FMN2: variants seen among roughly 807,000 people sequenced by gnomAD.
FMN2 encodes the protein formin 2.
A neutral mutation model predicts 142.3 loss-of-function variants in FMN2; 51 were observed. That is an observed-to-expected ratio of 0.36 (90% CI 0.29 to 0.45). The LOEUF (loss-of-function observed/expected upper bound fraction) is 0.45, where lower values mean the gene tolerates loss of function less well. FMN2 is among the 20% of genes least tolerant of loss of function. The pLI, the probability that FMN2 is intolerant of heterozygous loss-of-function variation, is 1.00. For missense variants in FMN2, 1,936 were observed against 2,122.8 expected (o/e 0.91, Z 1.73); for synonymous variants, 882 against 869.8 (o/e 1.01, Z -0.25).
chr1:240,412,933 T>A (rs888233175), intron 15 of FMN2, among the ~76,000 whole-genome samples: 2 of 151,290 alleles, frequency 1.3e-5, no homozygotes, highest in Admixed American at 1.3e-4. Flanking sequence ...CCATCCTGGC[T>A]AACACGGTGA....
intron 13 of FMN2, among the ~76,000 whole-genome samples, chr1:240,354,893 C>T (rs952909110): frequency 6.6e-6 from 1 of 150,942 alleles, no homozygotes; most frequent in Non-Finnish European, 1.5e-5. Context: ...TGTGTTCTAT[C>T]CAAAGTTTTG....
At chr1:240,455,897 C>T (rs952741984) in intron 16 of FMN2, among the ~76,000 whole-genome samples, 33 of 152,136 alleles carry the variant, frequency 2.2e-4, no homozygotes, top group African/African-American at 7.5e-4. Context: ...TTTGCTTGAA[C>T]CCAGGAGGCA....
intron 2 of FMN2, among the ~76,000 whole-genome samples, chr1:240,133,211 G>T (rs888760458): frequency 1.3e-5 from 2 of 152,130 alleles, no homozygotes; most frequent in Non-Finnish European, 2.9e-5. Context: ...TGTCATCCAG[G>T]CTGGTGTGCA....
chr1:240,104,384 C>A lies in FMN2; in HGVS notation c.1615+10660C>A, dbSNP rs548714675. ...ATTTTAGGTATTATTAACACTTTTT[C>A]TTCCTGGTCCTCAGAGAAAAAAAGA... On this transcript the variant is annotated intron_variant, in intron 1 of 17. Transcript: ENST00000319653. Among the ~76,000 whole-genome samples, 113 of 152,022 alleles carry A rather than the reference C, an allele frequency of 7.4e-4. 1 individual carries two copies. Among genetic ancestry groups the A allele is most frequent in the African/African-American group, 2.6e-3 (106 of 41,476 alleles).
At chr1:240,330,576 G>T in intron 10 of FMN2, 27 bp from the exon 11 acceptor site, 2 of 1,601,654 alleles carry the variant, frequency 1.2e-6, no homozygotes, top group Non-Finnish European at 1.7e-6. Context: ...GATAAAAGTT[G>T]TTTTTTGTTG....
chr1:240,316,366 A>G (rs1184217032), intron 8 of FMN2, among the ~76,000 whole-genome samples: 4 of 152,194 alleles, frequency 2.6e-5, no homozygotes, highest in Non-Finnish European at 2.9e-5. Flanking sequence ...ATGGAGCAGT[A>G]TGATCAAAGG....
intron 2 of FMN2, among the ~76,000 whole-genome samples, chr1:240,153,616 G>A (rs1002040409): frequency 1.1e-4 from 17 of 151,864 alleles, no homozygotes; most frequent in South Asian, 2.1e-4. Context: ...CTCTCAGCTC[G>A]AATTCCCAAA....
At chr1:240,192,807 G>A (rs1234549383) in intron 4 of FMN2, among the ~76,000 whole-genome samples, 2 of 151,440 alleles carry the variant, frequency 1.3e-5, no homozygotes, top group East Asian at 3.9e-4. Context: ...ATTTTGAAAG[G>A]TATTCACCAT....
At chr1:240,105,875 T>C (rs1484768996) in intron 1 of FMN2, among the ~76,000 whole-genome samples, 1 of 152,192 alleles carries the variant, frequency 6.6e-6, no homozygotes, top group Non-Finnish European at 1.5e-5. Flanking sequence ...CAGCAAATAA[T>C]TGAAATATAA....
rs560310088 is a variant in FMN2 at position 240,266,773 on chromosome 1, G to C, written c.4153+8741G>C. Among the ~76,000 whole-genome samples, 6 of 151,908 alleles carry C rather than the reference G, an allele frequency of 3.9e-5. No individual in the cohort carries two copies. The South Asian group carries it at 1.0e-3, about 26-fold the overall frequency. On this transcript the variant is annotated intron_variant, in intron 7 of 17. Coordinates refer to ENST00000319653, the MANE Select transcript of FMN2 (RefSeq NM_020066.5). ...ACACATAGACCTATGGAGAAGAATA[G>C]AGAATCCAAAAATAAAGCCACACAT...
chr1:240,468,206 A>ATATATGTGTGTG lies in FMN2; in HGVS notation c.5061-4165_5061-4164insATATGTGTGTGT, dbSNP rs374934885. 6.4e-4 allele frequency among the ~76,000 whole-genome samples: 94 copies of ATATATGTGTGTG among 147,970 alleles called. 1 individual carries two copies. The Middle Eastern group carries it at 0.011, about 17-fold the overall frequency. On this transcript the variant is annotated intron_variant, in intron 16 of 17. Transcript: ENST00000319653. ...AATGCATCCACTAAAATATATATAT[A>ATATATGTGTGTG]TGTGTGTGTGTGTGTGTGTGTGTGT... is the stretch of plus-strand genomic sequence containing the variant.
chr1:240,411,503 G>A (rs1318503784), intron 15 of FMN2, among the ~76,000 whole-genome samples: 1 of 151,736 alleles, frequency 6.6e-6, no homozygotes. Flanking sequence ...CCTGGGAGGC[G>A]GAGGTTGTAG....
At chr1:240,177,163 G>T (rs947014922) in intron 2 of FMN2, among the ~76,000 whole-genome samples, 8 of 152,140 alleles carry the variant, frequency 5.3e-5, no homozygotes, top group Non-Finnish European at 1.2e-4. Flanking sequence ...ATCCTAAAAT[G>T]GTTGAACACA....
At chr1:240,126,373 C>T (rs375763234) in intron 2 of FMN2, among the ~76,000 whole-genome samples, 1 of 151,322 alleles carries the variant, frequency 6.6e-6, no homozygotes, top group Non-Finnish European at 1.5e-5. Flanking sequence ...TACCCCCCCC[C>T]ACTTTGTTCC....
chr1:240,198,595 A>G (rs774707635), intron 4 of FMN2, among the ~76,000 whole-genome samples: 1 of 152,218 alleles, frequency 6.6e-6, no homozygotes, highest in Non-Finnish European at 1.5e-5. Flanking sequence ...TTCTATTTTA[A>G]AAAGCCCTAG....
rs56686860 is a variant in FMN2 at position 240,271,098 on chromosome 1, G to GTTTTTTTTTTTTTTTTTTTTTTTTTT, written c.4153+13085_4153+13086insTTTTTTTTTTTTTTTTTTTTTTTTTT. 1.2e-3 allele frequency among the ~76,000 whole-genome samples: 85 copies of GTTTTTTTTTTTTTTTTTTTTTTTTTT among 72,220 alleles called. 10 individuals carry two copies. The highest frequency in any genetic ancestry group is 2.4e-3 in the South Asian group (5 of 2,042). 47.4% of individuals were successfully genotyped at this position (72,220 alleles called of 152,430 possible). A position where few individuals can be genotyped will look rare whatever the true frequency, so the allele number is the denominator to read the frequency against. On this transcript the variant is annotated intron_variant, in intron 7 of 17. Transcript: ENST00000319653. The stretch of plus-strand genomic sequence containing the variant: ...ACCCCCCTAGGAACTTTCCACGATG[G>GTTTTTTTTTTTTTTTTTTTTTTTTTT]TTTTTTTTTTTTTTTTTTTGTGACT...
At chr1:240,450,069 A>G (rs953012512) in intron 16 of FMN2, among the ~76,000 whole-genome samples, 16 of 152,000 alleles carry the variant, frequency 1.1e-4, no homozygotes, top group African/African-American at 3.6e-4. Flanking sequence ...CCCATTTCTC[A>G]TATACTTATT....
chr1:240,194,837 G>C (rs1369494790), intron 4 of FMN2, among the ~76,000 whole-genome samples: 1 of 152,230 alleles, frequency 6.6e-6, no homozygotes, highest in East Asian at 1.9e-4. Flanking sequence ...AGCCTGGCTA[G>C]AGCTTGATCA....
chr1:240,201,273 T>C (rs948349937), intron 4 of FMN2, among the ~76,000 whole-genome samples: 2 of 152,204 alleles, frequency 1.3e-5, no homozygotes, highest in Non-Finnish European at 2.9e-5. Flanking sequence ...AGGGTCAGTT[T>C]ATCAATGATT....
Sources: gnomAD v4.1 joint callset for allele counts (sites outside exome capture counted in the v4.1 genomes callset) on GRCh38, gnomAD v4.1.1 for gene constraint, MANE v1.5 for transcripts, NCBI Gene and HGNC (gene_info 2026-07-23, HGNC 2026-07-21) for gene names.